The following AIF1 variants were observed in gnomAD, a reference collection of about 807,000 sequenced individuals.
AIF1 encodes allograft inflammatory factor 1, also known as interferon gamma responsive transcript.
A neutral mutation model predicts 20.6 loss-of-function variants in AIF1; 21 were observed. The ratio of observed to expected loss-of-function variants is 1.02; its 90% CI spans 0.72 to 1.47. The LOEUF is 1.47. Among genes scored for constraint, AIF1 ranks in the 40% most tolerant of loss-of-function variants. The pLI is 0.00. For synonymous variants in AIF1, 52 were observed against 65.8 expected (o/e 0.79, Z 1.01); for missense variants, 161 against 170.5 (o/e 0.94, Z 0.31).
At position 31,616,662 on chromosome 6, in the gene AIF1, T is replaced by C. The variant is rs916226099; in HGVS notation, c.360-154T>C. On this transcript the variant is annotated intron_variant, in intron 5 of 5. Coordinates refer to ENST00000376059, the MANE Select transcript of AIF1 (RefSeq NM_001623.5). The surrounding 1 kb of genome is among the most constrained non-coding windows in gnomAD (Gnocchi z 4.0). ...AAGGTCCCGACCCCATCCCTATCCA[T>C]AGTCCTGGTCCCCAGAAACTCCAAC... 35 of 984,720 alleles carry C rather than the reference T, an allele frequency of 3.6e-5. 1 individual carries two copies. Among genetic ancestry groups the C allele is most frequent in the Non-Finnish European group, 2.5e-5 (21 of 829,568 alleles). 61.0% of individuals were successfully genotyped at this position (984,720 alleles called of 1,614,324 possible).
Position 31,616,302 on chromosome 6 carries a change from G to A in AIF1, c.197-42G>A. On this transcript the variant is annotated intron_variant, in intron 4 of 5. Coordinates refer to ENST00000376059, the MANE Select transcript of AIF1 (RefSeq NM_001623.5). This position sits in a 1 kb window ranked among gnomAD's most constrained non-coding sequence, Gnocchi z 4.0. ...ATGCGGAAGTGGGAGAGGAGAGAGA[G>A]GGTCTCCCCACCTTCTCCCCATCCC... 1 of 1,612,798 alleles carries A rather than the reference G, an allele frequency of 6.2e-7. No homozygotes were observed. The highest frequency in any genetic ancestry group is 1.3e-5 in the African/African-American group (1 of 74,998).
chr6:31,615,508 T>A lies in AIF1; in HGVS notation c.26-13T>A. 6.2e-7 allele frequency: 1 copy of A among 1,613,588 alleles called. No individual in the cohort carries two copies. Among genetic ancestry groups the A allele is most frequent in the Non-Finnish European group, 8.5e-7 (1 of 1,179,970 alleles). On this transcript the variant is annotated splice_polypyrimidine_tract_variant and intron_variant, in intron 1 of 5. Transcript: ENST00000376059. Reference sequence around the variant, plus strand: ...GGAGGGATGAGGGCTGATTAATTTTTTTCACCCCACAGGAGGAAAAGCTTT... The same window carrying A: ...GGAGGGATGAGGGCTGATTAATTTTATTCACCCCACAGGAGGAAAAGCTTT...
chr6:31,616,961 G>A lies in AIF1; in HGVS notation c.*61G>A. 6.2e-7 allele frequency: 1 copy of A among 1,603,226 alleles called. No individual in the cohort carries two copies. The highest frequency in any genetic ancestry group is 8.5e-7 in the Non-Finnish European group (1 of 1,173,584). ...TTCTAATGACCCAGATATGGAAACA[G>A]AAGACAAAATTGTAAGCCAGAGTCA... On this transcript the variant is annotated 3_prime_UTR_variant, in exon 6 of 6. Coordinates refer to ENST00000376059, the MANE Select transcript of AIF1 (RefSeq NM_001623.5). The surrounding 1 kb of genome is among the most constrained non-coding windows in gnomAD (Gnocchi z 4.0).
rs370403479 is a variant in AIF1 at position 31,616,299 on chromosome 6, A to G, written c.197-45A>G. ...GGGATGCGGAAGTGGGAGAGGAGAG[A>G]GAGGGTCTCCCCACCTTCTCCCCAT... On this transcript the variant is annotated intron_variant, in intron 4 of 5. Coordinates refer to ENST00000376059, the MANE Select transcript of AIF1 (RefSeq NM_001623.5). This position sits in a 1 kb window ranked among gnomAD's most constrained non-coding sequence, Gnocchi z 4.0. 4.3e-6 allele frequency: 7 copies of G among 1,612,694 alleles called. No homozygotes were observed. The highest frequency in any genetic ancestry group is 5.9e-6 in the Non-Finnish European group (7 of 1,179,912).
In AIF1 at chr6:31,615,388, C is replaced by A. The variant is rs772575123; in HGVS notation, c.25+34C>A. On this transcript the variant is annotated intron_variant, in intron 1 of 5. Coordinates refer to ENST00000376059, the MANE Select transcript of AIF1 (RefSeq NM_001623.5). ...GGTGGGATAGGCAGCGGCATTAGAT[C>A]GGAGGAATGAGATGGACAGACCTGG... is the stretch of plus-strand genomic sequence containing the variant. 13 of 1,612,956 alleles carry A rather than the reference C, an allele frequency of 8.1e-6. No individual in the cohort carries two copies. The African/African-American group carries it at 1.5e-4, about 18-fold the overall frequency.
At chr6:31,615,922 C>T (rs45552734) in intron 3 of AIF1, 182 bp from the exon 4 acceptor site, 164,491 of 1,478,456 alleles carry the variant, frequency 0.11, 10,585 homozygotes, top group African/African-American at 0.25. Flanking sequence ...TCAGCATCCC[C>T]TCTAGCTCCT....
chr6:31,616,458 C>T lies in AIF1; in HGVS notation c.311C>T (p.Pro104Leu). The T allele has an allele frequency of 6.2e-7, 1 of 1,612,684 alleles. No individual in the cohort carries two copies. Among genetic ancestry groups the T allele is most frequent in the Non-Finnish European group, 8.5e-7 (1 of 1,179,850 alleles). The change falls in exon 5 of 6, where the codon CCT becomes CTT. Residue 104 changes from proline to leucine, a missense_variant. By Grantham distance (98) the Pro-to-Leu change is moderately conservative. Coordinates refer to ENST00000376059, the MANE Select transcript of AIF1 (RefSeq NM_001623.5). The surrounding 1 kb of genome is among the most constrained non-coding windows in gnomAD (Gnocchi z 4.0). ...GGCTCCGGGGAGACGTTCAGCTACCCTGACTTTCTCAGGATGATGCTGGGC... is the reference window on the plus strand; with the variant it reads ...GGCTCCGGGGAGACGTTCAGCTACCTTGACTTTCTCAGGATGATGCTGGGC... ...SSGSGETFSY[P>L]DFLRMMLGKR...
At position 31,616,157 on chromosome 6, in the gene AIF1, G is replaced by A. The variant is rs773080278; in HGVS notation, c.196+12G>A. 3.7e-6 allele frequency: 6 copies of A among 1,610,886 alleles called. No individual in the cohort carries two copies. The Admixed American group carries it at 1.0e-4, about 27-fold the overall frequency. ...AAATGGCGATATTGGTGAGAAACGG[G>A]TGATTTGCGGGGGCAGGGTGGTGTG... On this transcript the variant is annotated intron_variant, in intron 4 of 5. Transcript: ENST00000376059. This position sits in a 1 kb window ranked among gnomAD's most constrained non-coding sequence, Gnocchi z 4.0.
In AIF1 at chr6:31,615,258, GAGA is replaced by G. The variant is rs768410592; in HGVS notation, c.-69_-67del. 221 of 1,610,508 alleles carry G rather than the reference GAGA, an allele frequency of 1.4e-4. No individual in the cohort carries two copies. In the Middle Eastern group the frequency reaches 2.0e-3, roughly 14 times the overall value. On this transcript the variant is annotated 5_prime_UTR_variant, in exon 1 of 6. Transcript: ENST00000376059. ...AAGGCTTCTGAGAAGACTGGTGGGA[GAGA>G]AGGAGAGCCTGCAGACAGAGGCCTC... is the stretch of plus-strand genomic sequence containing the variant.
In AIF1 at chr6:31,616,309, C is replaced by T. The variant is rs761447254; in HGVS notation, c.197-35C>T. ...AGTGGGAGAGGAGAGAGAGGGTCTC[C>T]CCACCTTCTCCCCATCCCCATCCTC... On this transcript the variant is annotated intron_variant, in intron 4 of 5. Transcript: ENST00000376059. The surrounding 1 kb of genome is among the most constrained non-coding windows in gnomAD (Gnocchi z 4.0). The T allele has an allele frequency of 1.9e-6, 3 of 1,612,838 alleles. No individual in the cohort carries two copies. The highest frequency in any genetic ancestry group is 2.2e-5 in the South Asian group (2 of 91,058).
In AIF1 at chr6:31,616,800, T is replaced by G; in HGVS notation, c.360-16T>G. The G allele has an allele frequency of 6.2e-7, 1 of 1,614,050 alleles. No homozygotes were observed. The highest frequency in any genetic ancestry group is 1.1e-5 in the South Asian group (1 of 91,078). On this transcript the variant is annotated splice_polypyrimidine_tract_variant and intron_variant, in intron 5 of 5. Coordinates refer to ENST00000376059, the MANE Select transcript of AIF1 (RefSeq NM_001623.5). This position sits in a 1 kb window ranked among gnomAD's most constrained non-coding sequence, Gnocchi z 4.0. Reference sequence around the variant, plus strand: ...GAGTGTTCCCTGATCCCTGTGCCTCTTCCCATCTCAACCAGGATCCTGATG... The same window carrying G: ...GAGTGTTCCCTGATCCCTGTGCCTCGTCCCATCTCAACCAGGATCCTGATG...
chr6:31,615,963 A>G (rs1366511417), intron 3 of AIF1, 141 bp from the exon 4 acceptor site: 3 of 1,497,828 alleles, frequency 2.0e-6, no homozygotes, highest in Admixed American at 2.5e-5. Context: ...CAACTCCCCA[A>G]CCCCACTTCC....
chr6:31,616,884 TCTCTGAGTTGC>T lies in AIF1; in HGVS notation c.430_440del (p.Ser144LeufsTer3). 3 of 1,614,188 alleles carry T rather than the reference TCTCTGAGTTGC, an allele frequency of 1.9e-6. No homozygotes were observed. The South Asian group carries it at 3.3e-5, about 18-fold the overall frequency. ...ACAGGCCCCCCAGCCAAGAAAGCTATCTCTGAGTTGCCCTGATTTGAAGGGAAAAGGGATGA... is the reference window on the plus strand; with the variant it reads ...ACAGGCCCCCCAGCCAAGAAAGCTATCCTGATTTGAAGGGAAAAGGGATGA... On this transcript the variant is annotated frameshift_variant, in exon 6 of 6. Coordinates refer to ENST00000376059, the MANE Select transcript of AIF1 (RefSeq NM_001623.5). LOFTEE classifies it high-confidence loss of function. The surrounding 1 kb of genome is among the most constrained non-coding windows in gnomAD (Gnocchi z 4.0).
chr6:31,615,649 C>T, intron 2 of AIF1, 21 bp from the exon 3 acceptor site: 1 of 1,613,140 alleles, frequency 6.2e-7, no homozygotes, highest in Middle Eastern at 1.7e-4. Context: ...CCTACCCTGG[C>T]TCTTATTTTC....
rs368206020 is a variant in AIF1 at position 31,616,788 on chromosome 6, T to C, written c.360-28T>C. The C allele has an allele frequency of 2.9e-4, 471 of 1,613,852 alleles. No homozygotes were observed. The highest frequency in any genetic ancestry group is 3.7e-4 in the Non-Finnish European group (440 of 1,179,958). On this transcript the variant is annotated intron_variant, in intron 5 of 5. Transcript: ENST00000376059. This position sits in a 1 kb window ranked among gnomAD's most constrained non-coding sequence, Gnocchi z 4.0. ...TTCCCTTGAGAGGAGTGTTCCCTGA[T>C]CCCTGTGCCTCTTCCCATCTCAACC...
At position 31,615,654 on chromosome 6, in the gene AIF1, A is replaced by AT; in HGVS notation, c.88-12dup. 6.2e-7 allele frequency: 1 copy of AT among 1,613,106 alleles called. No individual in the cohort carries two copies. Among genetic ancestry groups the AT allele is most frequent in the Non-Finnish European group, 8.5e-7 (1 of 1,179,830 alleles). ...ATGGGGAGGGCCTACCCTGGCTCTT[A>AT]TTTTCCCCTCCATAGCAATTCCTAG... On this transcript the variant is annotated splice_polypyrimidine_tract_variant and intron_variant, in intron 2 of 5. Coordinates refer to ENST00000376059, the MANE Select transcript of AIF1 (RefSeq NM_001623.5).
Position 31,616,492 on chromosome 6 carries a change from T to C in AIF1, c.345T>C (p.Ser115=). ...DFLRMMLGKR[S]AILKMILMYE... Reference sequence around the variant, plus strand: ...TCAGGATGATGCTGGGCAAGAGATCTGCCATCCTAAAAATGTGAGTGTCAA... The same window carrying C: ...TCAGGATGATGCTGGGCAAGAGATCCGCCATCCTAAAAATGTGAGTGTCAA... The change falls in exon 5 of 6, where the codon TCT becomes TCC. Residue 115 remains serine (S), a synonymous_variant. Transcript: ENST00000376059. This position sits in a 1 kb window ranked among gnomAD's most constrained non-coding sequence, Gnocchi z 4.0. 6.2e-7 allele frequency: 1 copy of C among 1,608,208 alleles called. No individual in the cohort carries two copies. Among genetic ancestry groups the C allele is most frequent in the South Asian group, 1.1e-5 (1 of 90,742 alleles).
In AIF1 at chr6:31,616,458, C is replaced by G. The variant is rs1187005262; in HGVS notation, c.311C>G (p.Pro104Arg). The G allele has an allele frequency of 1.2e-6, 2 of 1,612,684 alleles. No homozygotes were observed. ...GGCTCCGGGGAGACGTTCAGCTACC[C>G]TGACTTTCTCAGGATGATGCTGGGC... is the stretch of plus-strand genomic sequence containing the variant. ...SSGSGETFSY[P>R]DFLRMMLGKR... The change falls in exon 5 of 6, where the codon CCT becomes CGT. Residue 104 changes from proline to arginine, a missense_variant. Pro to Arg is a moderately radical substitution (Grantham distance 103, BLOSUM62 -2). Coordinates refer to ENST00000376059, the MANE Select transcript of AIF1 (RefSeq NM_001623.5). The surrounding 1 kb of genome is among the most constrained non-coding windows in gnomAD (Gnocchi z 4.0).
Position 31,616,930 on chromosome 6 carries a change from A to G in AIF1, c.*30A>G, listed in dbSNP as rs767750561. 6.2e-7 allele frequency: 1 copy of G among 1,613,932 alleles called. No individual in the cohort carries two copies. Among genetic ancestry groups the G allele is most frequent in the East Asian group, 2.2e-5 (1 of 44,886 alleles). On this transcript the variant is annotated 3_prime_UTR_variant, in exon 6 of 6. Coordinates refer to ENST00000376059, the MANE Select transcript of AIF1 (RefSeq NM_001623.5). This position sits in a 1 kb window ranked among gnomAD's most constrained non-coding sequence, Gnocchi z 4.0. The stretch of plus-strand genomic sequence containing the variant: ...AAGGGAAAAGGGATGATGGGATTGA[A>G]GGGGCTTCTAATGACCCAGATATGG...
Sources: gnomAD v4.1 joint callset for allele counts on GRCh38, gnomAD v4.1.1 for gene constraint, Gnocchi (gnomAD v3.1) non-coding constraint, MANE v1.5 for transcripts, NCBI Gene and HGNC (gene_info 2026-07-23, HGNC 2026-07-21) for gene names.